The following CSMD3 variants were observed in gnomAD, a reference collection of about 807,000 sequenced individuals.
CSMD3 encodes the protein CUB and Sushi multiple domains 3, also known as CUB and sushi domain-containing protein 3.
In CSMD3, 177 loss-of-function variants were observed where a neutral mutation model predicts 435.2. That is an observed-to-expected ratio of 0.41 (90% CI 0.36 to 0.46). CSMD3 has a LOEUF of 0.46. CSMD3 is among the 20% of genes least tolerant of loss of function. The probability of loss-of-function intolerance (pLI) is 0.34; values close to 1 mark genes in which losing one functional copy is unlikely to be tolerated. For missense variants in CSMD3, 4,265 were observed against 4,504.6 expected, an observed-to-expected ratio of 0.95 and a Z score of 1.52; for synonymous variants, 1,656 against 1,520.5, an observed-to-expected ratio of 1.09 and a Z score of -2.07.
intron 24 of CSMD3, among the ~76,000 whole-genome samples, chr8:112,571,528 C>CA (rs920717115): frequency 6.6e-5 from 10 of 151,398 alleles, no homozygotes; most frequent in Admixed American, 4.0e-4. Flanking sequence ...TGTATCAAAA[C>CA]AAAAAAATCC....
chr8:112,782,990 AT>A (rs1191186409), intron 13 of CSMD3, among the ~76,000 whole-genome samples: 1 of 152,076 alleles, frequency 6.6e-6, no homozygotes, highest in Non-Finnish European at 1.5e-5. Flanking sequence ...AGTGATAAGC[AT>A]TTATATAAAG....
intron 22 of CSMD3, among the ~76,000 whole-genome samples, chr8:112,609,678 A>G (rs1422235907): frequency 6.6e-6 from 1 of 152,180 alleles, no homozygotes; most frequent in Non-Finnish European, 1.5e-5. Flanking sequence ...TAACCGAAGG[A>G]CATAAAATCA....
At chr8:112,906,922 G>C (rs781337489) in intron 10 of CSMD3, among the ~76,000 whole-genome samples, 4 of 151,270 alleles carry the variant, frequency 2.6e-5, no homozygotes, top group Non-Finnish European at 5.9e-5. Flanking sequence ...AACCATCTAG[G>C]GTACGCTGCT....
intron 5 of CSMD3, among the ~76,000 whole-genome samples, chr8:113,068,624 C>T (rs1421280957): frequency 6.6e-6 from 1 of 152,088 alleles, no homozygotes; most frequent in African/African-American, 2.4e-5. Context: ...TACGGAAGTA[C>T]AAATTAAGAG....
chr8:112,476,011 A>C (rs1442921958), intron 31 of CSMD3, among the ~76,000 whole-genome samples: 2 of 152,170 alleles, frequency 1.3e-5, no homozygotes, highest in East Asian at 3.9e-4. Flanking sequence ...TAACTTATGT[A>C]GTTAATAAAT....
At chr8:112,353,515 T>G (rs773847692) in intron 38 of CSMD3, among the ~76,000 whole-genome samples, 1 of 152,176 alleles carries the variant, frequency 6.6e-6, no homozygotes, top group Admixed American at 6.5e-5. Context: ...TTTCATTATT[T>G]TTATTAGGTA....
At chr8:113,429,509 A>G (rs1563813206) in intron 1 of CSMD3, among the ~76,000 whole-genome samples, 1 of 152,040 alleles carries the variant, frequency 6.6e-6, no homozygotes, top group Non-Finnish European at 1.5e-5. Flanking sequence ...CAAGAAATAA[A>G]CTTTACTGAA....
chr8:112,508,614 C>T (rs568346286), intron 28 of CSMD3, among the ~76,000 whole-genome samples: 10 of 152,180 alleles, frequency 6.6e-5, no homozygotes, highest in Non-Finnish European at 1.3e-4. Context: ...CCTCTGACTT[C>T]GTACCTGGTT....
chr8:112,979,018 T>C (rs911047307), intron 6 of CSMD3, among the ~76,000 whole-genome samples: 2 of 151,962 alleles, frequency 1.3e-5, no homozygotes, highest in African/African-American at 2.4e-5. Flanking sequence ...GTGACATGAA[T>C]GAAGAGCAAT....
chr8:112,660,246 T>A (rs1435501247), intron 17 of CSMD3, among the ~76,000 whole-genome samples: 5 of 152,070 alleles, frequency 3.3e-5, no homozygotes, highest in Non-Finnish European at 7.4e-5. Context: ...CTTAAAACAA[T>A]CTTTAGAAAA....
rs2131581998 is a variant in CSMD3, at chr8:112,636,978, G to A, written c.3554C>T (p.Pro1185Leu). 1.9e-6 allele frequency: 3 copies of A among 1,613,662 alleles called. No homozygotes were observed. Among genetic ancestry groups the A allele is most frequent in the Non-Finnish European group, 2.5e-6 (3 of 1,179,750 alleles). The change falls in exon 22 of 71, where the codon CCT becomes CTT. Residue 1185 changes from proline (P) to leucine (L), a missense_variant. Pro to Leu is a moderately conservative substitution (Grantham distance 98, BLOSUM62 -3). Transcript: ENST00000297405. ...SEYNLEPCED[P>L]GIPQYGSRIG... is the part of the protein sequence containing the mutation. ...TCGACTACCATATTGAGGAATGCCAGGATCTTCACAAGGTTCAAGGTTATA... is the reference window on the plus strand; with the variant it reads ...TCGACTACCATATTGAGGAATGCCAAGATCTTCACAAGGTTCAAGGTTATA...
intron 4 of CSMD3, among the ~76,000 whole-genome samples, chr8:113,115,647 T>A (rs2090800274): frequency 6.6e-6 from 1 of 152,242 alleles, no homozygotes; most frequent in Non-Finnish European, 1.5e-5. Flanking sequence ...ATTTTCACTG[T>A]TTGACAGTGG....
Position 113,137,544 on chromosome 8 carries a change from C to G in CSMD3, c.709+36178G>C, listed in dbSNP as rs575289828. Among the ~76,000 whole-genome samples the G allele has an allele frequency of 3.0e-4, 45 of 151,656 alleles. No homozygotes were observed. In the South Asian group the frequency reaches 8.7e-3, roughly 29 times the overall value. ...CCCATAGTTTTGGAGTCTCAGAAAT[C>G]CAGTATCTGGGCACCAGCACATTTA... On this transcript the variant is annotated intron_variant, in intron 4 of 70. Coordinates refer to ENST00000297405, the MANE Select transcript of CSMD3 (RefSeq NM_198123.2).
intron 1 of CSMD3, among the ~76,000 whole-genome samples, chr8:113,342,576 T>A (rs1383663409): frequency 6.6e-6 from 1 of 152,168 alleles, no homozygotes; most frequent in Non-Finnish European, 1.5e-5. Context: ...GTAAAATTTG[T>A]ACCCTAGACG....
At chr8:112,260,974 A>G (rs1389053175) in intron 61 of CSMD3, among the ~76,000 whole-genome samples, 1 of 152,174 alleles carries the variant, frequency 6.6e-6, no homozygotes, top group Non-Finnish European at 1.5e-5. Flanking sequence ...TTTAAAAATC[A>G]TATTACAGTA....
intron 3 of CSMD3, among the ~76,000 whole-genome samples, chr8:113,201,260 A>G (rs974592388): frequency 6.6e-6 from 1 of 152,136 alleles, no homozygotes; most frequent in East Asian, 1.9e-4. Context: ...TCAACACAGC[A>G]ATGAAATTCA....
chr8:112,431,444 ATTT>A (rs1813698022), intron 32 of CSMD3, among the ~76,000 whole-genome samples: 3 of 152,096 alleles, frequency 2.0e-5, no homozygotes, highest in Non-Finnish European at 2.9e-5. Flanking sequence ...CTGTATATGT[ATTT>A]TATACATAAA....
chr8:112,266,276 C>T (rs368347059), intron 59 of CSMD3, among the ~76,000 whole-genome samples: 160 of 152,282 alleles, frequency 1.1e-3, no homozygotes, highest in Admixed American at 3.9e-3. Context: ...GTGAACCTCT[C>T]TTTACTGATG....
intron 13 of CSMD3, among the ~76,000 whole-genome samples, chr8:112,764,100 A>G (rs1174219050): frequency 6.6e-6 from 1 of 151,604 alleles, no homozygotes; most frequent in African/African-American, 2.4e-5. Flanking sequence ...AATACAAGTG[A>G]CATTTCAGCA....
Sources: gnomAD v4.1 joint callset for allele counts (sites outside exome capture counted in the v4.1 genomes callset) on GRCh38, gnomAD v4.1.1 for gene constraint, MANE v1.5 for transcripts, NCBI Gene and HGNC (gene_info 2026-07-23, HGNC 2026-07-21) for gene names.